Variants in LRP12 observed in about 807,000 individuals in gnomAD.
The protein encoded by LRP12 is low-density lipoprotein receptor-related protein 12.
LRP12 carries 14 observed loss-of-function variants against 66.0 expected under a neutral mutation model. The ratio of observed to expected loss-of-function variants is 0.21; its 90% confidence interval spans 0.14 to 0.33. The LOEUF is 0.33. Among genes scored for constraint, LRP12 ranks in the 10% least tolerant of loss-of-function variants. The pLI, the probability that LRP12 is intolerant of heterozygous loss-of-function variation, is 1.00. For synonymous variants in LRP12, 357 were observed against 359.1 expected (o/e 0.99, Z 0.07); for missense variants, 889 against 1,053.4 (o/e 0.84, Z 2.16).
At chr8:104,502,928 T>C (rs1407078187) in intron 3 of LRP12, among the ~76,000 whole-genome samples, 1 of 152,136 alleles carries the variant, frequency 6.6e-6, no homozygotes, top group African/African-American at 2.4e-5. Context: ...GCTCACGCCG[T>C]AATCCCAGAA....
chr8:104,516,409 T>G (rs1811073040), intron 2 of LRP12, among the ~76,000 whole-genome samples: 1 of 151,958 alleles, frequency 6.6e-6, no homozygotes, highest in South Asian at 2.1e-4. Flanking sequence ...TATGAAAAGA[T>G]TAACTGAATA....
chr8:104,509,649 AG>A (rs1232678559), intron 2 of LRP12, among the ~76,000 whole-genome samples: 3 of 152,194 alleles, frequency 2.0e-5, no homozygotes, highest in Non-Finnish European at 4.4e-5. Flanking sequence ...GATATGTCAA[AG>A]AGAAGCTGTA....
chr8:104,546,964 T>A (rs957365259), intron 1 of LRP12, among the ~76,000 whole-genome samples: 6 of 143,882 alleles, frequency 4.2e-5, no homozygotes, highest in East Asian at 2.0e-4. Flanking sequence ...TAATTATATA[T>A]CATATATAAT....
chr8:104,575,373 C>T (rs567819318), intron 1 of LRP12, among the ~76,000 whole-genome samples: 1 of 152,350 alleles, frequency 6.6e-6, no homozygotes, highest in Admixed American at 6.5e-5. Flanking sequence ...CCTGGCACTG[C>T]TAGTGCTCTG....
intron 2 of LRP12, among the ~76,000 whole-genome samples, chr8:104,515,771 T>C (rs894755228): frequency 1.2e-4 from 19 of 152,184 alleles, no homozygotes; most frequent in African/African-American, 3.6e-4. Flanking sequence ...AGTATTTGGA[T>C]TGATATTTTA....
chr8:104,497,834 C>G lies in LRP12; in HGVS notation c.718G>C (p.Asp240His). ...AGGTCAAGGCAGTCAATGTTCCCAT[C>G]ACATTTTAAAGATTCGGGGAGGCAA... Reference protein sequence around the residue: ...YTCLPESLKCDGNIDCLDLGD... With the variant: ...YTCLPESLKCHGNIDCLDLGD... Residue 240 changes from aspartate (D) to histidine (H), a missense_variant, in exon 5 of 7, where the codon GAT becomes CAT. Around this residue, in one of 3 missense-constraint regions of LRP12, gnomAD observed 800 missense variants for 964.5 expected, o/e 0.83. Coordinates refer to ENST00000276654, the MANE Select transcript of LRP12 (RefSeq NM_013437.5). This position sits in a 1 kb window ranked among gnomAD's most constrained non-coding sequence, Gnocchi z 4.3. The G allele has an allele frequency of 6.2e-7, 1 of 1,614,204 alleles. No individual in the cohort carries two copies. Among genetic ancestry groups the G allele is most frequent in the South Asian group, 1.1e-5 (1 of 91,088 alleles).
chr8:104,562,914 T>C (rs1168310997), intron 1 of LRP12, among the ~76,000 whole-genome samples: 1 of 152,226 alleles, frequency 6.6e-6, no homozygotes, highest in African/African-American at 2.4e-5. Flanking sequence ...CTGGCATGTC[T>C]GGCTCATCTA....
At position 104,499,513 on chromosome 8, in the gene LRP12, C is replaced by A; in HGVS notation, c.279G>T (p.Gln93His). 2 of 1,579,982 alleles carry A rather than the reference C, an allele frequency of 1.3e-6. No individual in the cohort carries two copies. Among genetic ancestry groups the A allele is most frequent in the Admixed American group, 2.0e-5 (1 of 49,944 alleles). Residue 93 changes from glutamine to histidine, a missense_variant, in exon 4 of 7, where the codon CAG (glutamine) becomes CAT (histidine). Coordinates refer to ENST00000276654, the MANE Select transcript of LRP12 (RefSeq NM_013437.5). ...TTCTGGATCCTTGAATATCAAAATC[C>A]TGAAAACTGAAAAAAAAATCAGAAA... ...NPGEIITISF[Q>H]DFDIQGSRRC...
At chr8:104,499,737 A>G (rs914598332) in intron 3 of LRP12, among the ~76,000 whole-genome samples, 3 of 152,184 alleles carry the variant, frequency 2.0e-5, no homozygotes, top group African/African-American at 7.2e-5. Flanking sequence ...ATTCTTCACA[A>G]GTAATGCTAG....
intron 1 of LRP12, among the ~76,000 whole-genome samples, chr8:104,581,631 T>C (rs529712040): frequency 2.0e-4 from 31 of 152,262 alleles, no homozygotes; most frequent in African/African-American, 6.7e-4. Context: ...GAAAGTTACA[T>C]TATCAGATCT....
chr8:104,530,325 C>A (rs554839790), intron 2 of LRP12, among the ~76,000 whole-genome samples: 1 of 152,258 alleles, frequency 6.6e-6, no homozygotes, highest in African/African-American at 2.4e-5. Context: ...TTTGGAGACA[C>A]AGCCTTTAAG....
intron 1 of LRP12, chr8:104,566,143 T>A: frequency 2.1e-6 from 1 of 483,650 alleles, no homozygotes; most frequent in South Asian, 3.4e-5. Flanking sequence ...CAAGAGTCCA[T>A]AAGAGAGGCT....
intron 3 of LRP12, among the ~76,000 whole-genome samples, chr8:104,503,407 T>C (rs1810860935): frequency 6.6e-6 from 1 of 151,246 alleles, no homozygotes; most frequent in African/African-American, 2.4e-5. Flanking sequence ...AATAAATATC[T>C]GTTCATGTAT....
At chr8:104,555,184 T>C (rs1187440159) in intron 1 of LRP12, among the ~76,000 whole-genome samples, 1 of 151,916 alleles carries the variant, frequency 6.6e-6, no homozygotes, top group Non-Finnish European at 1.5e-5. Context: ...ACCATACATC[T>C]CAAAGGACCT....
intron 1 of LRP12, among the ~76,000 whole-genome samples, chr8:104,549,400 CT>C (rs66644217): frequency 0.04 from 4,712 of 116,602 alleles, 50 homozygotes; most frequent in South Asian, 0.071. Context: ...TCTGAATCCA[CT>C]TTTTTTTTTT....
intron 2 of LRP12, among the ~76,000 whole-genome samples, chr8:104,525,816 T>C (rs1811226974): frequency 3.9e-5 from 6 of 152,114 alleles, no homozygotes; most frequent in Admixed American, 3.9e-4. Context: ...AACATAGTGT[T>C]GGAAATTCTG....
At chr8:104,493,058 G>T (rs888324093) in intron 6 of LRP12, among the ~76,000 whole-genome samples, 7 of 152,088 alleles carry the variant, frequency 4.6e-5, no homozygotes, top group Admixed American at 3.3e-4. Context: ...CTTTATTGCT[G>T]ACTTTAACAT....
At chr8:104,508,505 T>C (rs1205067156) in intron 3 of LRP12, 2 of 153,438 alleles carry the variant, frequency 1.3e-5, no homozygotes, top group South Asian at 2.0e-4. Context: ...TATACATACA[T>C]ACACATATAC....
At chr8:104,548,669 A>AATTAAT (rs1564142541) in intron 1 of LRP12, among the ~76,000 whole-genome samples, 8 of 143,166 alleles carry the variant, frequency 5.6e-5, no homozygotes, top group Admixed American at 1.4e-4. Context: ...TATATAATTA[A>AATTAAT]TATGGGTGCA....
Sources: gnomAD v4.1 joint callset for allele counts (sites outside exome capture counted in the v4.1 genomes callset) on GRCh38, gnomAD v4.1.1 for gene constraint, gnomAD v4.1.1 regional missense constraint, Gnocchi (gnomAD v3.1) non-coding constraint, MANE v1.5 for transcripts, NCBI Gene and HGNC (gene_info 2026-07-23, HGNC 2026-07-21) for gene names.